RMDN2: variants seen among roughly 807,000 people sequenced by gnomAD.
RMDN2 encodes regulator of microtubule dynamics protein 2.
Under a neutral mutation model 52.8 loss-of-function variants are expected in RMDN2, and 61 were observed. That is an observed-to-expected ratio of 1.16 (90% CI 0.94 to 1.43). The LOEUF is 1.43. Among genes scored for constraint, RMDN2 ranks in the 40% most tolerant of loss-of-function variants. The probability of loss-of-function intolerance (pLI) is 0.00; values close to 1 mark genes in which losing one functional copy is unlikely to be tolerated. For missense variants in RMDN2, 592 were observed against 475.3 expected, an observed-to-expected ratio of 1.25 and a Z score of -2.28; for synonymous variants, 180 against 153.1, an observed-to-expected ratio of 1.18 and a Z score of -1.30.
chr2:38,002,045 C>T (rs1468097225), intron 8 of RMDN2, among the ~76,000 whole-genome samples: 3 of 152,260 alleles, frequency 2.0e-5, no homozygotes, highest in East Asian at 3.9e-4. Flanking sequence ...AGATTTATAC[C>T]GAGTCTGGCT....
At chr2:38,012,847 C>G (rs1678198939) in intron 10 of RMDN2, among the ~76,000 whole-genome samples, 1 of 152,236 alleles carries the variant, frequency 6.6e-6, no homozygotes, top group African/African-American at 2.4e-5. Flanking sequence ...CATCAGTTTA[C>G]TCTCTCGTGT....
chr2:37,933,090 C>T (rs1666965097), intron 2 of RMDN2, among the ~76,000 whole-genome samples: 1 of 151,796 alleles, frequency 6.6e-6, no homozygotes. Flanking sequence ...GGTCTCCTCA[C>T]TTCTCAGGGC....
intron 4 of RMDN2, among the ~76,000 whole-genome samples, chr2:37,977,999 A>G (rs1199302712): frequency 6.6e-6 from 1 of 152,142 alleles, no homozygotes; most frequent in Non-Finnish European, 1.5e-5. Flanking sequence ...TAGTGAGCCG[A>G]GATCACGCCA....
downstream of RMDN2, among the ~76,000 whole-genome samples, chr2:38,019,287 G>C (rs1679160875): frequency 6.6e-6 from 1 of 152,194 alleles, no homozygotes; most frequent in South Asian, 2.1e-4. Flanking sequence ...GGACTACCAA[G>C]AAACACTCCT....
intron 2 of RMDN2, among the ~76,000 whole-genome samples, chr2:37,938,703 T>C (rs2124920851): frequency 6.6e-6 from 1 of 152,224 alleles, no homozygotes; most frequent in East Asian, 1.9e-4. Context: ...TAGTATTCTT[T>C]GATGGTAGTT....
At chr2:37,936,608 C>T (rs1469782408) in intron 2 of RMDN2, among the ~76,000 whole-genome samples, 1 of 152,170 alleles carries the variant, frequency 6.6e-6, no homozygotes, top group East Asian at 1.9e-4. Context: ...GATGATATCT[C>T]ATTGTGGTTT....
At chr2:38,008,463 G>T (rs1292186930) in intron 10 of RMDN2, among the ~76,000 whole-genome samples, 1 of 152,082 alleles carries the variant, frequency 6.6e-6, no homozygotes, top group South Asian at 2.1e-4. Flanking sequence ...TTATGTAATG[G>T]CCTTCTTTGT....
At chr2:37,953,968 G>T (rs547108480) in intron 2 of RMDN2, among the ~76,000 whole-genome samples, 1 of 151,728 alleles carries the variant, frequency 6.6e-6, no homozygotes, top group East Asian at 1.9e-4. Flanking sequence ...ACATCTTTTC[G>T]TGTGACTGCT....
At chr2:37,976,584 C>T (rs941614606) in intron 4 of RMDN2, among the ~76,000 whole-genome samples, 1 of 152,122 alleles carries the variant, frequency 6.6e-6, no homozygotes, top group African/African-American at 2.4e-5. Context: ...TTCGTTTCCC[C>T]CAGTGGGAGG....
At chr2:37,966,260 T>A (rs1671033340) in intron 2 of RMDN2, among the ~76,000 whole-genome samples, 1 of 151,956 alleles carries the variant, frequency 6.6e-6, no homozygotes, top group Admixed American at 6.6e-5. Context: ...TTACTAAAAA[T>A]ACAAAAATTA....
chr2:37,951,967 C>G (rs150619106), intron 2 of RMDN2: 3 of 1,613,312 alleles, frequency 1.9e-6, no homozygotes, highest in Admixed American at 1.7e-5. Context: ...TTCCTTCATC[C>G]TCGTCCTGAA....
chr2:37,963,493 C>G (rs1670567822), intron 2 of RMDN2, among the ~76,000 whole-genome samples: 1 of 151,986 alleles, frequency 6.6e-6, no homozygotes, highest in African/African-American at 2.4e-5. Flanking sequence ...TCCCTGGGTA[C>G]TTGAGATTAG....
chr2:37,949,758 A>G (rs1668556417), intron 2 of RMDN2, among the ~76,000 whole-genome samples: 1 of 152,074 alleles, frequency 6.6e-6, no homozygotes, highest in African/African-American at 2.4e-5. Context: ...AGTAAATAAA[A>G]GTATTTGAGG....
chr2:38,034,741 T>C (rs1201899092), intron 10 of RMDN2, among the ~76,000 whole-genome samples: 3 of 151,396 alleles, frequency 2.0e-5, no homozygotes, highest in African/African-American at 7.3e-5. Flanking sequence ...ATTATACGTA[T>C]TAATACCCTA....
At chr2:37,981,685 A>G (rs1673337697) in intron 5 of RMDN2, among the ~76,000 whole-genome samples, 1 of 152,224 alleles carries the variant, frequency 6.6e-6, no homozygotes, top group Non-Finnish European at 1.5e-5. Flanking sequence ...TGAAATGTAG[A>G]AAAGCACATC....
intron 8 of RMDN2, among the ~76,000 whole-genome samples, chr2:38,001,089 C>G (rs1466796463): frequency 1.3e-5 from 2 of 152,122 alleles, no homozygotes; most frequent in African/African-American, 2.4e-5. Context: ...AGTGGCTTCC[C>G]CAGCTGCAGA....
chr2:37,932,036 T>G (rs1666790406), intron 2 of RMDN2, among the ~76,000 whole-genome samples: 1 of 152,088 alleles, frequency 6.6e-6, no homozygotes, highest in South Asian at 2.1e-4. Flanking sequence ...AGGAATAAGA[T>G]ACAAAAAATT....
intron 2 of RMDN2, among the ~76,000 whole-genome samples, chr2:37,930,318 C>T (rs970171826): frequency 2.6e-5 from 4 of 152,224 alleles, no homozygotes; most frequent in Non-Finnish European, 5.9e-5. Context: ...GACTCTGTCT[C>T]ATCTTTGCAT....
intron 10 of RMDN2, among the ~76,000 whole-genome samples, chr2:38,010,647 C>G (rs1677843949): frequency 6.6e-6 from 1 of 152,220 alleles, no homozygotes; most frequent in Non-Finnish European, 1.5e-5. Flanking sequence ...TTCCCTTACC[C>G]TTTGCACTTC....
Sources: allele counts gnomAD v4.1 joint callset (sites outside exome capture counted in the v4.1 genomes callset), GRCh38; gene constraint gnomAD v4.1.1; transcripts MANE v1.5; gene names NCBI Gene and HGNC (gene_info 2026-07-23, HGNC 2026-07-21).